The following KCNIP4 variants were observed in gnomAD, a reference collection of about 807,000 sequenced individuals.
The protein encoded by KCNIP4 is Kv channel-interacting protein 4.
A neutral mutation model predicts 34.0 loss-of-function variants in KCNIP4; 12 were observed. The observed-to-expected ratio is 0.35, with a 90% CI of 0.23 to 0.57. The LOEUF (loss-of-function observed/expected upper bound fraction) is 0.57, where lower values mean the gene tolerates loss of function less well. Among genes scored for constraint, KCNIP4 ranks in the 20% least tolerant of loss-of-function variants. The pLI is 0.83. For synonymous variants in KCNIP4, 124 were observed against 102.2 expected (o/e 1.21, Z -1.29); for missense variants, 238 against 311.7 (o/e 0.76, Z 1.78).
chr4:21,601,421 G>T (rs1743146120), intron 1 of KCNIP4, among the ~76,000 whole-genome samples: 1 of 151,884 alleles, frequency 6.6e-6, no homozygotes, highest in Non-Finnish European at 1.5e-5. Flanking sequence ...TCCCAAATAT[G>T]CTGTTCTGCT....
At chr4:21,684,954 C>T (rs1311832797) in intron 1 of KCNIP4, among the ~76,000 whole-genome samples, 2 of 151,960 alleles carry the variant, frequency 1.3e-5, no homozygotes, top group Non-Finnish European at 2.9e-5. Flanking sequence ...AGTTTAGACT[C>T]AAAAAGTGTT....
At chr4:21,946,609 T>C (rs2109025660) in intron 1 of KCNIP4, among the ~76,000 whole-genome samples, 1 of 152,352 alleles carries the variant, frequency 6.6e-6, no homozygotes, top group Middle Eastern at 3.4e-3. Context: ...GATCATTCTC[T>C]AATATTAGCT....
At chr4:21,395,626 G>C (rs1034092161) in intron 1 of KCNIP4, among the ~76,000 whole-genome samples, 1 of 151,878 alleles carries the variant, frequency 6.6e-6, no homozygotes, top group African/African-American at 2.4e-5. Context: ...TTTCCTCCCT[G>C]ACACACATAA....
chr4:20,746,140 A>G (rs1018411078), intron 5 of KCNIP4, among the ~76,000 whole-genome samples: 10 of 152,208 alleles, frequency 6.6e-5, no homozygotes, highest in East Asian at 1.9e-4. Context: ...ATGTCCATCA[A>G]TAATACACTG....
intron 1 of KCNIP4, among the ~76,000 whole-genome samples, chr4:21,757,336 AT>A (rs1269065375): frequency 6.6e-6 from 1 of 152,164 alleles, no homozygotes; most frequent in Non-Finnish European, 1.5e-5. Flanking sequence ...TCATAAAATC[AT>A]TCAGGATACC....
intron 1 of KCNIP4, among the ~76,000 whole-genome samples, chr4:21,112,273 T>C (rs951997165): frequency 6.6e-6 from 1 of 152,174 alleles, no homozygotes; most frequent in Admixed American, 6.5e-5. Context: ...TATCTAGCTC[T>C]AACCATTTCT....
chr4:21,225,127 C>T lies in KCNIP4; in HGVS notation c.62-342418G>A, dbSNP rs536288043. ...TTTTTGACTAATGATATTTTCAATT[C>T]ACAACAGGTTTTTTGGGGCATAACC... On this transcript the variant is annotated intron_variant, in intron 1 of 8. Coordinates refer to ENST00000382152, the MANE Select transcript of KCNIP4 (RefSeq NM_025221.6). Among the ~76,000 whole-genome samples the T allele has an allele frequency of 2.1e-4, 32 of 152,190 alleles. 1 individual carries two copies. The highest frequency in any genetic ancestry group is 7.0e-4 in the African/African-American group (29 of 41,510).
At chr4:21,815,575 A>G (rs1453906075) in intron 1 of KCNIP4, among the ~76,000 whole-genome samples, 2 of 152,206 alleles carry the variant, frequency 1.3e-5, no homozygotes, top group Non-Finnish European at 2.9e-5. Flanking sequence ...CATTTATAGC[A>G]TAATTATTTC....
intron 1 of KCNIP4, among the ~76,000 whole-genome samples, chr4:21,546,377 C>T (rs1049556740): frequency 2.0e-5 from 3 of 152,056 alleles, no homozygotes; most frequent in Non-Finnish European, 2.9e-5. Context: ...TGACTCTTCA[C>T]AGGGAGTTTG....
intron 1 of KCNIP4, among the ~76,000 whole-genome samples, chr4:21,278,330 G>T (rs1762562040): frequency 6.6e-6 from 1 of 152,030 alleles, no homozygotes; most frequent in Non-Finnish European, 1.5e-5. Flanking sequence ...ATAGTTATTT[G>T]TTCTGCTCCT....
chr4:21,615,266 C>T (rs376062312), intron 1 of KCNIP4, among the ~76,000 whole-genome samples: 14 of 152,024 alleles, frequency 9.2e-5, no homozygotes, highest in East Asian at 1.9e-4. Context: ...TAGGGCCGGG[C>T]GCGGTGGCTC....
At chr4:21,784,158 A>C (rs1719751007) in intron 1 of KCNIP4, among the ~76,000 whole-genome samples, 1 of 152,100 alleles carries the variant, frequency 6.6e-6, no homozygotes, top group South Asian at 2.1e-4. Flanking sequence ...TCGAAGTGCC[A>C]GATACTTATC....
chr4:21,426,972 C>T lies in KCNIP4; in HGVS notation c.61+521599G>A, dbSNP rs77536435. 4.0e-3 allele frequency among the ~76,000 whole-genome samples: 600 copies of T among 151,528 alleles called. 17 individuals are homozygous for T. In the East Asian group the frequency reaches 0.071, roughly 18 times the overall value. On this transcript the variant is annotated intron_variant, in intron 1 of 8. Transcript: ENST00000382152. ...ATTCCCATTCTCATTAAACTTCACA[C>T]GGATCATGACTTTTCTGTTCTCACA...
At chr4:21,242,180 A>G (rs1326945790) in intron 1 of KCNIP4, among the ~76,000 whole-genome samples, 1 of 151,458 alleles carries the variant, frequency 6.6e-6, no homozygotes, top group Non-Finnish European at 1.5e-5. Context: ...AAAAAAAAAA[A>G]AAAAAAGAAT....
At chr4:21,884,980 G>T (rs1225718545) in intron 1 of KCNIP4, among the ~76,000 whole-genome samples, 1 of 151,954 alleles carries the variant, frequency 6.6e-6, no homozygotes, top group East Asian at 1.9e-4. Context: ...TTTCAAACTT[G>T]ATTATTTAAT....
At chr4:21,711,113 T>C (rs965298506) in intron 1 of KCNIP4, among the ~76,000 whole-genome samples, 5 of 152,208 alleles carry the variant, frequency 3.3e-5, no homozygotes, top group African/African-American at 7.2e-5. Context: ...ACATTCTCTA[T>C]GGGGTAGATT....
At chr4:21,424,681 A>G (rs751122933) in intron 1 of KCNIP4, among the ~76,000 whole-genome samples, 7 of 152,210 alleles carry the variant, frequency 4.6e-5, no homozygotes, top group Non-Finnish European at 8.8e-5. Context: ...TACAAAATAT[A>G]AGATTTCTAC....
chr4:21,888,377 T>C (rs767356038), intron 1 of KCNIP4, among the ~76,000 whole-genome samples: 2 of 152,046 alleles, frequency 1.3e-5, no homozygotes, highest in Non-Finnish European at 2.9e-5. Flanking sequence ...ACAACCAAAG[T>C]AGAACTGGTG....
intron 1 of KCNIP4, among the ~76,000 whole-genome samples, chr4:21,142,213 G>A (rs955662467): frequency 5.3e-5 from 8 of 151,260 alleles, no homozygotes; most frequent in African/African-American, 1.7e-4. Flanking sequence ...AATCTAGGCT[G>A]CCCTGGGCTG....
Sources: allele counts gnomAD v4.1 joint callset (sites outside exome capture counted in the v4.1 genomes callset), GRCh38; gene constraint gnomAD v4.1.1; transcripts MANE v1.5; gene names NCBI Gene and HGNC (gene_info 2026-07-23, HGNC 2026-07-21).